The following MARCO variants were observed in gnomAD, a reference collection of about 807,000 sequenced individuals.
The protein encoded by MARCO is macrophage receptor MARCO.
In MARCO, 72 loss-of-function variants were observed where a neutral mutation model predicts 70.0. The observed-to-expected ratio is 1.03, with a 90% confidence interval of 0.85 to 1.25. The LOEUF (loss-of-function observed/expected upper bound fraction) is 1.25, where lower values mean the gene tolerates loss of function less well. Among genes scored for constraint, MARCO ranks in the 50% most tolerant of loss-of-function variants. The probability of loss-of-function intolerance (pLI) is 0.00; values close to 1 mark genes in which losing one functional copy is unlikely to be tolerated. For missense variants in MARCO, 696 were observed against 659.3 expected (o/e 1.06, Z -0.61); for synonymous variants, 273 against 243.1 (o/e 1.12, Z -1.14).
At chr2:118,982,900 T>G (rs1333457902) in intron 12 of MARCO, among the ~76,000 whole-genome samples, 3 of 144,848 alleles carry the variant, frequency 2.1e-5, no homozygotes, top group African/African-American at 8.4e-5. Flanking sequence ...TAGGTTAGTC[T>G]AGGTTATATA....
In MARCO at chr2:118,952,431, G is replaced by A. The variant is rs183866722; in HGVS notation, c.97+10034G>A. 1.4e-3 allele frequency among the ~76,000 whole-genome samples: 219 copies of A among 152,310 alleles called. 3 individuals are homozygous for A. The highest frequency in any genetic ancestry group is 5.1e-3 in the African/African-American group (212 of 41,574). On this transcript the variant is annotated intron_variant, in intron 1 of 16. Coordinates refer to ENST00000327097, the MANE Select transcript of MARCO (RefSeq NM_006770.4). ...TGGCAGGATCCGCCCTAAGCCATAT[G>A]AGGTAGCTATGGAACCGCAGAGAGG... is the stretch of plus-strand genomic sequence containing the variant.
At chr2:118,978,354 G>A (rs1680326590) in intron 8 of MARCO, among the ~76,000 whole-genome samples, 2 of 152,206 alleles carry the variant, frequency 1.3e-5, no homozygotes, top group African/African-American at 4.8e-5. Flanking sequence ...CTCAAGCCAA[G>A]GGCCAATATC....
At chr2:118,946,162 T>TC (rs1679594435) in intron 1 of MARCO, among the ~76,000 whole-genome samples, 1 of 152,156 alleles carries the variant, frequency 6.6e-6, no homozygotes, top group Non-Finnish European at 1.5e-5. Context: ...TGTCTCATTC[T>TC]CCCCCAGTGG....
chr2:118,977,756 GC>G, intron 7 of MARCO, 71 bp from the exon 8 acceptor site: 1 of 1,161,518 alleles, frequency 8.6e-7, no homozygotes, highest in South Asian at 1.4e-5. Context: ...AATGCTTCCT[GC>G]CCCTTTGCCT....
At chr2:118,972,041 G>A (rs1176797802) in intron 4 of MARCO, among the ~76,000 whole-genome samples, 2 of 152,162 alleles carry the variant, frequency 1.3e-5, no homozygotes, top group Admixed American at 6.5e-5. Context: ...GCTTACTGGC[G>A]GTGTGACTCT....
intron 12 of MARCO, among the ~76,000 whole-genome samples, chr2:118,985,253 A>G (rs1680461958): frequency 1.3e-5 from 2 of 152,168 alleles, no homozygotes; most frequent in Admixed American, 6.5e-5. Flanking sequence ...AATCGGTTTT[A>G]TGGAAGAACG....
intron 1 of MARCO, among the ~76,000 whole-genome samples, chr2:118,966,373 C>G (rs986627702): frequency 6.6e-6 from 1 of 152,164 alleles, no homozygotes; most frequent in Non-Finnish European, 1.5e-5. Flanking sequence ...CCTCTTTGGT[C>G]AAACCTGATC....
At position 118,991,848 on chromosome 2, in the gene MARCO, G is replaced by C. The variant is rs1476886981; in HGVS notation, c.1180G>C (p.Gly394Arg). 6.2e-7 allele frequency: 1 copy of C among 1,600,218 alleles called. No individual in the cohort carries two copies. Among genetic ancestry groups the C allele is most frequent in the Admixed American group, 1.7e-5 (1 of 57,664 alleles). The change falls in exon 14 of 17, where the codon GGC (glycine) becomes CGC (arginine). Residue 394 changes from glycine (G) to arginine (R), a missense_variant. Gly to Arg is a moderately radical substitution (Grantham distance 125, BLOSUM62 -2). Around this residue, in one of 3 missense-constraint regions of MARCO, gnomAD observed 605 missense variants for 537.6 expected, o/e 1.13. Coordinates refer to ENST00000327097, the MANE Select transcript of MARCO (RefSeq NM_006770.4). ...AGPKGAPGQAGQKGDQGVKGS... is the reference protein window; with the variant it reads ...AGPKGAPGQARQKGDQGVKGS... The stretch of plus-strand genomic sequence containing the variant: ...TCCCAAGGGAGCCCCTGGACAAGCT[G>C]GCCAGAAGGGAGACCAGGGAGTGAA...
chr2:118,971,203 T>C (rs777991047), intron 3 of MARCO, among the ~76,000 whole-genome samples: 2 of 152,166 alleles, frequency 1.3e-5, no homozygotes, highest in Non-Finnish European at 2.9e-5. Flanking sequence ...ACGAAGGGGT[T>C]CTACCTCCTC....
At chr2:118,959,956 G>A (rs1679910657) in intron 1 of MARCO, among the ~76,000 whole-genome samples, 2 of 151,968 alleles carry the variant, frequency 1.3e-5, no homozygotes, top group Non-Finnish European at 2.9e-5. Context: ...GGGACTTGGA[G>A]GGAAGAGTGG....
At chr2:118,986,552 GGA>G (rs1680487161) in intron 12 of MARCO, among the ~76,000 whole-genome samples, 1 of 126,824 alleles carries the variant, frequency 7.9e-6, no homozygotes, top group African/African-American at 3.4e-5. Context: ...GAGAGAGGAA[GGA>G]AGGAAGGGAG....
At chr2:118,987,602 C>T (rs1233117354) in intron 12 of MARCO, among the ~76,000 whole-genome samples, 1 of 152,124 alleles carries the variant, frequency 6.6e-6, no homozygotes. Context: ...GAAGGCTGCT[C>T]GTAGGAGGTG....
intron 1 of MARCO, among the ~76,000 whole-genome samples, chr2:118,965,369 T>C (rs935139005): frequency 3.9e-5 from 6 of 152,312 alleles, no homozygotes; most frequent in South Asian, 4.1e-4. Flanking sequence ...TTTTCTTTCA[T>C]TGGTATTTTT....
At chr2:118,980,535 A>G (rs1680369199) in intron 8 of MARCO, among the ~76,000 whole-genome samples, 1 of 152,242 alleles carries the variant, frequency 6.6e-6, no homozygotes, top group African/African-American at 2.4e-5. Flanking sequence ...CTTCAGAATT[A>G]TCAAAATCAT....
intron 12 of MARCO, among the ~76,000 whole-genome samples, chr2:118,987,808 A>T (rs1202846103): frequency 6.6e-6 from 1 of 152,242 alleles, no homozygotes; most frequent in Admixed American, 6.5e-5. Context: ...AGATGCACCC[A>T]GATGATTCTG....
chr2:118,990,562 C>A, intron 12 of MARCO, 27 bp from the exon 13 acceptor site: 2 of 1,496,556 alleles, frequency 1.3e-6, no homozygotes, highest in Non-Finnish European at 1.9e-6. Flanking sequence ...TATCTCCTCC[C>A]CCCCCCCTTT....
intron 1 of MARCO, among the ~76,000 whole-genome samples, chr2:118,958,912 G>T (rs563337317): frequency 1.3e-5 from 2 of 152,234 alleles, no homozygotes; most frequent in South Asian, 4.2e-4. Flanking sequence ...AACAAATGGT[G>T]CTGGGATAAT....
At chr2:118,980,207 C>T (rs1478689481) in intron 8 of MARCO, among the ~76,000 whole-genome samples, 1 of 152,212 alleles carries the variant, frequency 6.6e-6, no homozygotes, top group Non-Finnish European at 1.5e-5. Context: ...CTAACAGGTG[C>T]CGTTGGCCCC....
At chr2:118,989,417 T>C (rs1680580663) in intron 12 of MARCO, among the ~76,000 whole-genome samples, 1 of 152,212 alleles carries the variant, frequency 6.6e-6, no homozygotes, top group Non-Finnish European at 1.5e-5. Flanking sequence ...TTCCTGCTTC[T>C]CTTGTTGCCT....
Sources: allele counts gnomAD v4.1 joint callset (sites outside exome capture counted in the v4.1 genomes callset), GRCh38; gene constraint gnomAD v4.1.1; regional missense constraint gnomAD v4.1.1; transcripts MANE v1.5; gene names NCBI Gene and HGNC (gene_info 2026-07-23, HGNC 2026-07-21).